The following DEPDC1 variants were observed in gnomAD, a reference collection of about 807,000 sequenced individuals.
DEPDC1 encodes the protein DEP domain-containing protein 1A.
Under a neutral mutation model 86.8 loss-of-function variants are expected in DEPDC1, and 66 were observed. That is an observed-to-expected ratio of 0.76 (90% CI 0.62 to 0.93). DEPDC1 has a LOEUF of 0.93. Ranked by LOEUF, DEPDC1 falls within the 40% of genes least tolerant of loss-of-function variation. DEPDC1 has a pLI of 0.00. For missense variants in DEPDC1, 792 were observed against 935.7 expected (o/e 0.85, Z 2.00); for synonymous variants, 255 against 314.9 (o/e 0.81, Z 2.02).
At position 68,489,026 on chromosome 1, in the gene DEPDC1, G is replaced by A. The variant is rs561724598; in HGVS notation, c.480C>T (p.Gly160=). 1.9e-5 allele frequency: 30 copies of A among 1,592,516 alleles called. No homozygotes were observed. The highest frequency in any genetic ancestry group is 5.4e-5 in the African/African-American group (4 of 74,080). Reference sequence around the variant, plus strand: ...TGATTATTTCATGCTTTATTTTCTCGCCATTTTCCTGAAAAAAGGATTATT... The same window carrying A: ...TGATTATTTCATGCTTTATTTTCTCACCATTTTCCTGAAAAAAGGATTATT... ...RHGLHLSQEN[G]EKIKHEIINE... is the part of the protein sequence containing the mutation. Residue 160 remains glycine (G), a synonymous_variant, in exon 4 of 12, where the codon GGC becomes GGT. Coordinates refer to ENST00000456315, the MANE Select transcript of DEPDC1 (RefSeq NM_001114120.3).
rs1646120361 is a variant in DEPDC1 at position 68,477,018 on chromosome 1, T to C, written c.2350A>G (p.Ser784Gly). Residue 784 changes from serine to glycine, a missense_variant, in exon 12 of 12, where the codon AGT (serine) becomes GGT (glycine). Ser to Gly is a moderately conservative substitution (Grantham distance 56). Transcript: ENST00000456315. ...TTGTCACCAAAAAGTGCTGCTTCAC[T>C]CTCCGTGGTTGGAAATCTTTTCTGA... ...IYQKRFPTTESEAALFGDKPT... is the reference protein window; with the variant it reads ...IYQKRFPTTEGEAALFGDKPT... 2 of 1,607,562 alleles carry C rather than the reference T, an allele frequency of 1.2e-6. No individual in the cohort carries two copies. The highest frequency in any genetic ancestry group is 2.2e-5 in the South Asian group (2 of 90,130).
chr1:68,487,039 A>G (rs1355153732), intron 5 of DEPDC1, 55 bp from the exon 6 acceptor site: 2 of 1,508,902 alleles, frequency 1.3e-6, no homozygotes, highest in Admixed American at 4.1e-5. Context: ...ATGATAGTAT[A>G]TTTTAAAATA....
In DEPDC1 at chr1:68,489,497, G is replaced by A; in HGVS notation, c.426C>T (p.Asn142=). The A allele has an allele frequency of 2.0e-6, 3 of 1,535,294 alleles. No homozygotes were observed. The highest frequency in any genetic ancestry group is 2.6e-6 in the Non-Finnish European group (3 of 1,151,860). ...GCCTTTTAGGAGTTCTACGAGATAA[G>A]TTTCGTAATTTAAAAATGCTATCTT... is the stretch of plus-strand genomic sequence containing the variant. ...KDKDSIFKLR[N]LSRRTPKRHG... Residue 142 remains asparagine, a synonymous_variant, in exon 3 of 12, where the codon AAC becomes AAT. Coordinates refer to ENST00000456315, the MANE Select transcript of DEPDC1 (RefSeq NM_001114120.3).
chr1:68,490,386 C>CTTAG (rs10669625), intron 2 of DEPDC1, among the ~76,000 whole-genome samples: 83,938 of 151,382 alleles, frequency 0.55, 24,156 homozygotes, highest in Middle Eastern at 0.81. Context: ...TTTTCTGTTC[C>CTTAG]TTAGTTTGCC....
intron 9 of DEPDC1, among the ~76,000 whole-genome samples, chr1:68,479,717 T>G (rs1227068496): frequency 6.6e-6 from 1 of 151,634 alleles, no homozygotes; most frequent in East Asian, 1.9e-4. Context: ...GCAGAAGGAT[T>G]TTTTGAGCCC....
At position 68,496,872 on chromosome 1, in the gene DEPDC1, C is replaced by A; in HGVS notation, c.48+80G>T. 4 of 1,454,176 alleles carry A rather than the reference C, an allele frequency of 2.8e-6. No individual in the cohort carries two copies. In the South Asian group the frequency reaches 3.6e-5, roughly 13 times the overall value. 90.1% of individuals were successfully genotyped at this position (1,454,176 alleles called of 1,614,324 possible). On this transcript the variant is annotated intron_variant, in intron 1 of 11. Transcript: ENST00000456315. This position sits in a 1 kb window ranked among gnomAD's most constrained non-coding sequence, Gnocchi z 4.0. ...CATCCCTCCGACCGAGGTAAAACTG[C>A]GAACGGTCGAGGTAAAACTGCGAAC... is the stretch of plus-strand genomic sequence containing the variant.
chr1:68,476,604 A>G lies in DEPDC1; in HGVS notation c.*328T>C, dbSNP rs1425734181. The stretch of plus-strand genomic sequence containing the variant: ...ACATTTGCAGATAAATTTTCTTTTA[A>G]GAACAGAATTATAGTTTAATCCCTA... On this transcript the variant is annotated 3_prime_UTR_variant, in exon 12 of 12. Transcript: ENST00000456315. 1 of 172,686 alleles carries G rather than the reference A, an allele frequency of 5.8e-6. No individual in the cohort carries two copies. Among genetic ancestry groups the G allele is most frequent in the Non-Finnish European group, 1.2e-5 (1 of 81,970 alleles). 10.7% of individuals were successfully genotyped at this position (172,686 alleles called of 1,614,324 possible). A position where few individuals can be genotyped will look rare whatever the true frequency, so the allele number is the denominator to read the frequency against.
At chr1:68,486,216 T>C (rs1226098017) in intron 6 of DEPDC1, among the ~76,000 whole-genome samples, 1 of 151,580 alleles carries the variant, frequency 6.6e-6, no homozygotes, top group East Asian at 1.9e-4. Context: ...ATCATGGGGG[T>C]GTATTTCCCC....
intron 9 of DEPDC1, among the ~76,000 whole-genome samples, 168 bp downstream of exon 9, chr1:68,481,272 G>T (rs1646153462): frequency 6.6e-6 from 1 of 151,978 alleles, no homozygotes; most frequent in Non-Finnish European, 1.5e-5. Flanking sequence ...GTGCACAAAA[G>T]ATTAATACAC....
Position 68,494,750 on chromosome 1 carries a change from T to C in DEPDC1, c.49-55A>G. ...AATTGAAGAAAAATTAAATCTCATA[T>C]TGATTTGAAGTACATTAGGTAAAGA... is the stretch of plus-strand genomic sequence containing the variant. On this transcript the variant is annotated intron_variant, in intron 1 of 11. Coordinates refer to ENST00000456315, the MANE Select transcript of DEPDC1 (RefSeq NM_001114120.3). The C allele has an allele frequency of 9.0e-6, 13 of 1,439,754 alleles. No individual in the cohort carries two copies. The South Asian group carries it at 1.7e-4, about 18-fold the overall frequency. The allele number at this position is 1,439,754 out of a possible 1,614,324, so 89.2% of individuals were successfully genotyped here. A position where few individuals can be genotyped will look rare whatever the true frequency, so the allele number is the denominator to read the frequency against.
At chr1:68,486,816 G>T in intron 6 of DEPDC1, 121 bp downstream of exon 6, 2 of 1,078,950 alleles carry the variant, frequency 1.9e-6, no homozygotes, top group Non-Finnish European at 2.4e-6. Context: ...AAAGAGAAAT[G>T]ATATACTTTA....
At chr1:68,479,377 A>T in intron 9 of DEPDC1, 57 bp from the exon 10 acceptor site, 2 of 1,308,886 alleles carry the variant, frequency 1.5e-6, no homozygotes, top group African/African-American at 3.0e-5. Context: ...ACAAACTAGA[A>T]TATCGGTAAT....
At position 68,475,257 on chromosome 1, in the gene DEPDC1, C is replaced by A. The variant is rs1227076739; in HGVS notation, c.*1675G>T. 1.3e-5 allele frequency: 2 copies of A among 151,832 alleles called. No homozygotes were observed. Among genetic ancestry groups the A allele is most frequent in the Non-Finnish European group, 2.9e-5 (2 of 67,872 alleles). The allele number at this position is 151,832 out of a possible 1,614,324, so 9.4% of individuals were successfully genotyped here. On this transcript the variant is annotated 3_prime_UTR_variant, in exon 12 of 12. Coordinates refer to ENST00000456315, the MANE Select transcript of DEPDC1 (RefSeq NM_001114120.3). ...AATCTCAATTGCATGTACATTAGTG[C>A]AAATGAAAGTTGCCTGCCTTTATTA...
chr1:68,494,931 T>G (rs987017185), intron 1 of DEPDC1, among the ~76,000 whole-genome samples: 8 of 152,018 alleles, frequency 5.3e-5, no homozygotes, highest in African/African-American at 1.9e-4. Flanking sequence ...TCACCGGAGG[T>G]CGGGAGTTCG....
At chr1:68,490,130 CTTTTAT>C (rs1165427376) in intron 2 of DEPDC1, among the ~76,000 whole-genome samples, 5 of 152,120 alleles carry the variant, frequency 3.3e-5, no homozygotes, top group African/African-American at 1.2e-4. Context: ...TTTTTTTAAA[CTTTTAT>C]TTTAAGTTCA....
chr1:68,487,126 G>A (rs1489539365), intron 5 of DEPDC1, 142 bp from the exon 6 acceptor site: 1 of 607,638 alleles, frequency 1.6e-6, no homozygotes, highest in Non-Finnish European at 2.5e-6. Flanking sequence ...TGTATTACCA[G>A]GATTAAAAAG....
In DEPDC1 at chr1:68,477,757, A is replaced by T. The variant is rs540778274; in HGVS notation, c.2298+30T>A. On this transcript the variant is annotated intron_variant, in intron 11 of 11. Transcript: ENST00000456315. ...AGGAACAGCACATTAGAAAATGTTTACATGATTGAGAACTTGCTCATTCTC... is the reference window on the plus strand; with the variant it reads ...AGGAACAGCACATTAGAAAATGTTTTCATGATTGAGAACTTGCTCATTCTC... 6 of 1,331,840 alleles carry T rather than the reference A, an allele frequency of 4.5e-6. No homozygotes were observed. In the Admixed American group the frequency reaches 1.5e-4, roughly 33 times the overall value. The allele number at this position is 1,331,840 out of a possible 1,614,324, so 82.5% of individuals were successfully genotyped here.
intron 5 of DEPDC1, 89 bp downstream of exon 5, chr1:68,488,284 AC>A: frequency 8.1e-7 from 1 of 1,240,004 alleles, no homozygotes. Flanking sequence ...AAAGTATTCT[AC>A]TTTCAATATT....
rs375812118 is a variant in DEPDC1, at chr1:68,477,055, A to T, written c.2313T>A (p.Tyr771Ter). 1.2e-6 allele frequency: 2 copies of T among 1,601,796 alleles called. No homozygotes were observed. The highest frequency in any genetic ancestry group is 4.5e-5 in the East Asian group (2 of 44,598). ...GAAATCTTTTCTGATATATCAAAGGATATTCCTTCTGAAACTTAAAAATGA... is the reference window on the plus strand; with the variant it reads ...GAAATCTTTTCTGATATATCAAAGGTTATTCCTTCTGAAACTTAAAAATGA... ...RKKLKQFQKE[Y>*]PLIYQKRFPT... is the part of the protein sequence containing the mutation. The change falls in exon 12 of 12, where the codon TAT becomes TAA. Residue 771 changes from tyrosine (Y) to a stop codon, truncating the protein, a stop_gained. Coordinates refer to ENST00000456315, the MANE Select transcript of DEPDC1 (RefSeq NM_001114120.3). LOFTEE classifies it high-confidence loss of function.
Sources: gnomAD v4.1 joint callset for allele counts (sites outside exome capture counted in the v4.1 genomes callset) on GRCh38, gnomAD v4.1.1 for gene constraint, Gnocchi (gnomAD v3.1) non-coding constraint, MANE v1.5 for transcripts, NCBI Gene and HGNC (gene_info 2026-07-23, HGNC 2026-07-21) for gene names.